PRKG1: variants seen among roughly 807,000 people sequenced by gnomAD.
PRKG1 encodes the protein protein kinase cGMP-dependent 1.
PRKG1 carries 35 observed loss-of-function variants against 88.1 expected under a neutral mutation model. The observed-to-expected ratio is 0.40, with a 90% CI of 0.30 to 0.53. The LOEUF is 0.53. Among genes scored for constraint, PRKG1 ranks in the 20% least tolerant of loss-of-function variants. PRKG1 has a pLI of 0.59. For synonymous variants in PRKG1, 303 were observed against 292.5 expected, an observed-to-expected ratio of 1.04 and a Z score of -0.37; for missense variants, 540 against 839.8, an observed-to-expected ratio of 0.64 and a Z score of 4.41.
chr10:51,707,063 A>G (rs1841623806), intron 3 of PRKG1, among the ~76,000 whole-genome samples: 1 of 152,202 alleles, frequency 6.6e-6, no homozygotes. Flanking sequence ...ATTATTTTCA[A>G]GTTGTACAAC....
chr10:51,604,498 T>C (rs936331164), intron 3 of PRKG1, among the ~76,000 whole-genome samples: 2 of 152,254 alleles, frequency 1.3e-5, no homozygotes, highest in African/African-American at 4.8e-5. Flanking sequence ...AAACCATATC[T>C]GATTCACAAC....
chr10:51,344,675 T>TC (rs1264800052), intron 2 of PRKG1, among the ~76,000 whole-genome samples: 1 of 152,154 alleles, frequency 6.6e-6, no homozygotes, highest in Non-Finnish European at 1.5e-5. Flanking sequence ...CCTTTTTTTT[T>TC]CACTGTCTTA....
chr10:51,543,311 C>T (rs1170287545), intron 3 of PRKG1, among the ~76,000 whole-genome samples: 3 of 152,094 alleles, frequency 2.0e-5, no homozygotes, highest in Non-Finnish European at 4.4e-5. Flanking sequence ...ATAAATGAAA[C>T]CTCCTTGTTT....
intron 12 of PRKG1, among the ~76,000 whole-genome samples, chr10:52,275,590 A>T (rs890578654): frequency 6.6e-6 from 1 of 152,076 alleles, no homozygotes. Context: ...ATGGTCTTAT[A>T]GTATGGTTTG....
chr10:51,433,377 T>C (rs964317791), intron 2 of PRKG1, among the ~76,000 whole-genome samples: 9 of 152,270 alleles, frequency 5.9e-5, no homozygotes, highest in South Asian at 2.1e-4. Flanking sequence ...ATGTTGTAGC[T>C]TGGGTGCTTC....
At chr10:51,357,991 G>T (rs1044113065) in intron 2 of PRKG1, among the ~76,000 whole-genome samples, 3 of 151,676 alleles carry the variant, frequency 2.0e-5, no homozygotes, top group Non-Finnish European at 2.9e-5. Flanking sequence ...CTTTTAAAAG[G>T]TTATTTATCC....
rs1842779515 is a variant in PRKG1, at chr10:50,991,328, C to CGCCGCCGCCGCCGCT, written c.-37_-36insTGCCGCCGCCGCCGC. On this transcript the variant is annotated 5_prime_UTR_variant, in exon 1 of 18. Coordinates refer to the PRKG1 transcript ENST00000401604. This position sits in a 1 kb window ranked among gnomAD's most constrained non-coding sequence, Gnocchi z 4.5. ...CCGTCCCAGCCGCCGCCGCCGCCGCCGCCGCCGCCGCCGCCCGAGAAAAAG... is the reference window on the plus strand; with the variant it reads ...CCGTCCCAGCCGCCGCCGCCGCCGCCGCCGCCGCCGCCGCTGCCGCCGCCGCCGCCCGAGAAAAAG... 1 of 1,481,662 alleles carries CGCCGCCGCCGCCGCT rather than the reference C, an allele frequency of 6.7e-7. No individual in the cohort carries two copies. The highest frequency in any genetic ancestry group is 1.5e-5 in the African/African-American group (1 of 67,394). 91.8% of individuals were successfully genotyped at this position (1,481,662 alleles called of 1,614,324 possible).
At chr10:51,847,580 T>A (rs1303409030) in intron 4 of PRKG1, among the ~76,000 whole-genome samples, 1 of 151,314 alleles carries the variant, frequency 6.6e-6, no homozygotes, top group African/African-American at 2.4e-5. Flanking sequence ...TAATTAATGA[T>A]CTATTGACAG....
intron 7 of PRKG1, among the ~76,000 whole-genome samples, chr10:52,085,930 G>C (rs999284908): frequency 6.6e-6 from 1 of 152,008 alleles, no homozygotes; most frequent in Non-Finnish European, 1.5e-5. Flanking sequence ...AGTAAAAAAA[G>C]TTAAGCTTCA....
chr10:51,486,969 T>C (rs1247634791), intron 3 of PRKG1, among the ~76,000 whole-genome samples: 1 of 152,044 alleles, frequency 6.6e-6, no homozygotes, highest in Admixed American at 6.6e-5. Context: ...CAGGCTTTTT[T>C]CTCTCTCTTT....
At chr10:51,496,908 A>G (rs1840875527) in intron 3 of PRKG1, among the ~76,000 whole-genome samples, 1 of 152,230 alleles carries the variant, frequency 6.6e-6, no homozygotes, top group Non-Finnish European at 1.5e-5. Context: ...TCTAAAAGTA[A>G]GAATTTTTGA....
At chr10:52,133,045 C>T (rs539450791) in intron 7 of PRKG1, among the ~76,000 whole-genome samples, 1 of 152,096 alleles carries the variant, frequency 6.6e-6, no homozygotes, top group Non-Finnish European at 1.5e-5. Context: ...AAGTCTTAGT[C>T]ATTCTTTCTA....
At position 51,467,790 on chromosome 10, in the gene PRKG1, G is replaced by A. The variant is rs73336216; in HGVS notation, c.546G>A (p.Gly182=). ...LCTMGPGKVF[G]ELAILYNCTR... is the part of the protein sequence containing the mutation. Reference sequence around the variant, plus strand: ...CCATGGGTCCAGGAAAAGTGTTTGGGGAATTGGCTATTCTTTACAACTGTA... The same window carrying A: ...CCATGGGTCCAGGAAAAGTGTTTGGAGAATTGGCTATTCTTTACAACTGTA... The change falls in exon 3 of 18, where the codon GGG becomes GGA. Residue 182 remains glycine, a synonymous_variant. Transcript: ENST00000373980. 123 of 1,612,894 alleles carry A rather than the reference G, an allele frequency of 7.6e-5. No individual in the cohort carries two copies. The African/African-American group carries it at 1.4e-3, about 18-fold the overall frequency.
intron 3 of PRKG1, among the ~76,000 whole-genome samples, chr10:51,637,086 A>T (rs540263753): frequency 6.6e-6 from 1 of 152,294 alleles, no homozygotes; most frequent in African/African-American, 2.4e-5. Context: ...GTCATTTAAA[A>T]AACCCCATTA....
intron 9 of PRKG1, among the ~76,000 whole-genome samples, chr10:52,249,815 G>A (rs1306582057): frequency 6.6e-6 from 1 of 151,486 alleles, no homozygotes; most frequent in African/African-American, 2.4e-5. Flanking sequence ...GGGTGACACA[G>A]CAAGACTCTG....
chr10:51,993,304 T>C (rs1844358113), intron 5 of PRKG1, among the ~76,000 whole-genome samples: 1 of 152,068 alleles, frequency 6.6e-6, no homozygotes, highest in South Asian at 2.1e-4. Flanking sequence ...ATGTATATTG[T>C]GCCTTGATAA....
chr10:51,753,716 A>G (rs1472386412), intron 3 of PRKG1, among the ~76,000 whole-genome samples: 1 of 152,180 alleles, frequency 6.6e-6, no homozygotes, highest in African/African-American at 2.4e-5. Flanking sequence ...ATAGTCAACA[A>G]GTATATTTTT....
At chr10:51,776,420 T>A (rs116260332) in intron 3 of PRKG1, among the ~76,000 whole-genome samples, 2,499 of 152,286 alleles carry the variant, frequency 0.016, 74 homozygotes, top group African/African-American at 0.056. Flanking sequence ...GAGATAGTAA[T>A]GGGACCTGAC....
chr10:52,255,120 C>A (rs551398575), intron 10 of PRKG1, among the ~76,000 whole-genome samples: 1 of 152,182 alleles, frequency 6.6e-6, no homozygotes, highest in East Asian at 1.9e-4. Context: ...GAACACATTC[C>A]ATTTATAGTA....
Sources: gnomAD v4.1 joint callset for allele counts (sites outside exome capture counted in the v4.1 genomes callset) on GRCh38, gnomAD v4.1.1 for gene constraint, Gnocchi (gnomAD v3.1) non-coding constraint, MANE v1.5 for transcripts, NCBI Gene and HGNC (gene_info 2026-07-23, HGNC 2026-07-21) for gene names.